Variants in FAM107A observed in about 807,000 individuals in gnomAD.
FAM107A encodes the protein family with sequence similarity 107 member A.
Under a neutral mutation model 13.7 loss-of-function variants are expected in FAM107A, and 19 were observed. The observed-to-expected ratio is 1.38, with a 90% CI of 0.97 to 2.03. The LOEUF is 2.03. FAM107A is among the 30% of genes most tolerant of loss of function. FAM107A has a pLI of 0.00. For missense variants in FAM107A, 203 were observed against 184.4 expected (o/e 1.10, Z -0.58); for synonymous variants, 82 against 74.5 (o/e 1.10, Z -0.52).
At chr3:58,587,506 TG>T (rs2065621036), upstream of FAM107A, among the ~76,000 whole-genome samples, 1 of 130,836 alleles carries the variant, frequency 7.6e-6, no homozygotes, top group Non-Finnish European at 1.6e-5. Context: ...TGTGTGTGTG[TG>T]TGTGTGTGTG....
intron 1 of FAM107A, among the ~76,000 whole-genome samples, chr3:58,597,545 A>G (rs1227186584): frequency 6.6e-6 from 1 of 152,252 alleles, no homozygotes; most frequent in Non-Finnish European, 1.5e-5. Flanking sequence ...CTATGAGAAT[A>G]GGAATTGTAA....
chr3:58,594,301 C>T (rs777911945), intron 1 of FAM107A, among the ~76,000 whole-genome samples: 5 of 152,216 alleles, frequency 3.3e-5, no homozygotes, highest in African/African-American at 1.2e-4. Context: ...CTCCCAGCCC[C>T]TCTTCTTGTT....
At chr3:58,602,581 A>G (rs536256044) in intron 1 of FAM107A, among the ~76,000 whole-genome samples, 1 of 152,334 alleles carries the variant, frequency 6.6e-6, no homozygotes, top group African/African-American at 2.4e-5. Context: ...GGATTGATTA[A>G]ATTGTACTAT....
intron 1 of FAM107A, among the ~76,000 whole-genome samples, chr3:58,602,091 G>A (rs2065757536): frequency 6.6e-6 from 1 of 152,138 alleles, no homozygotes; most frequent in African/African-American, 2.4e-5. Context: ...CCAGGAAGCT[G>A]CTGAGTCTGT....
intron 1 of FAM107A, among the ~76,000 whole-genome samples, chr3:58,574,625 G>C (rs2063715132): frequency 6.6e-6 from 1 of 152,224 alleles, no homozygotes; most frequent in South Asian, 2.1e-4. Flanking sequence ...ATGGGGTGGA[G>C]GCCACCAGTA....
chr3:58,609,707 G>C (rs2065834999), intron 1 of FAM107A, among the ~76,000 whole-genome samples: 1 of 152,152 alleles, frequency 6.6e-6, no homozygotes, highest in African/African-American at 2.4e-5. Context: ...AGCCACCTAG[G>C]GGGTCGTGGA....
chr3:58,568,163 A>C (rs549571994), intron 2 of FAM107A, among the ~76,000 whole-genome samples: 1 of 151,424 alleles, frequency 6.6e-6, no homozygotes, highest in South Asian at 2.1e-4. Context: ...GGCCAGGCAC[A>C]GTGGCTCACG....
At chr3:58,614,648 G>T (rs2065885163) in intron 1 of FAM107A, among the ~76,000 whole-genome samples, 1 of 151,908 alleles carries the variant, frequency 6.6e-6, no homozygotes, top group Non-Finnish European at 1.5e-5. Context: ...GGGATTACAG[G>T]TGCCTGCCAC....
rs1178641800 is a variant in FAM107A at position 58,564,418 on chromosome 3, A to G, written c.*2170T>C. 2 of 152,258 alleles carry G rather than the reference A, an allele frequency of 1.3e-5. No homozygotes were observed. The highest frequency in any genetic ancestry group is 1.3e-4 in the Admixed American group (2 of 15,284). 9.4% of individuals were successfully genotyped at this position (152,258 alleles called of 1,614,324 possible). A position where few individuals can be genotyped will look rare whatever the true frequency, so the allele number is the denominator to read the frequency against. The stretch of plus-strand genomic sequence containing the variant: ...TGATCACATAGCCATCCTAAGCTGC[A>G]AAGGAGACTGGAACAGTGAAAATCT... On this transcript the variant is annotated 3_prime_UTR_variant, in exon 4 of 4. Coordinates refer to ENST00000360997, the MANE Select transcript of FAM107A (RefSeq NM_001076778.3). The surrounding 1 kb of genome is among the most constrained non-coding windows in gnomAD (Gnocchi z 5.6).
At chr3:58,581,212 C>T (rs2108057291), upstream of FAM107A, among the ~76,000 whole-genome samples, 1 of 152,338 alleles carries the variant, frequency 6.6e-6, no homozygotes, top group African/African-American at 2.4e-5. Context: ...AGGGGCTGGG[C>T]ACACCCCTCC....
intron 1 of FAM107A, among the ~76,000 whole-genome samples, chr3:58,621,435 G>A: frequency 6.6e-6 from 1 of 152,080 alleles, no homozygotes; most frequent in East Asian, 1.9e-4. Flanking sequence ...TTTGAACAAG[G>A]GACCCCACAT....
At chr3:58,580,215 G>A (rs962450094), upstream of FAM107A, among the ~76,000 whole-genome samples, 5 of 151,920 alleles carry the variant, frequency 3.3e-5, no homozygotes, top group African/African-American at 1.2e-4. Flanking sequence ...ATATGTAGTA[G>A]GATCTCTTTT....
At chr3:58,590,635 G>A (rs186554978), upstream of FAM107A, among the ~76,000 whole-genome samples, 508 of 152,268 alleles carry the variant, frequency 3.3e-3, 3 homozygotes, top group African/African-American at 0.012. Flanking sequence ...ATGGCAGCAG[G>A]AGAGACAGAG....
At chr3:58,601,128 G>C (rs1212917353) in intron 1 of FAM107A, among the ~76,000 whole-genome samples, 1 of 152,132 alleles carries the variant, frequency 6.6e-6, no homozygotes, top group African/African-American at 2.4e-5. Flanking sequence ...TTCTGTTATT[G>C]ATCATAGGCT....
At chr3:58,595,671 C>T (rs1166599883) in intron 1 of FAM107A, among the ~76,000 whole-genome samples, 1 of 151,886 alleles carries the variant, frequency 6.6e-6, no homozygotes, top group African/African-American at 2.4e-5. Flanking sequence ...CCCGCCTGCA[C>T]CCAAGTGAAA....
At chr3:58,619,030 T>G (rs1284700570) in intron 1 of FAM107A, among the ~76,000 whole-genome samples, 1 of 152,198 alleles carries the variant, frequency 6.6e-6, no homozygotes, top group Non-Finnish European at 1.5e-5. Context: ...AGACAAGATC[T>G]TATTCTGTCA....
At chr3:58,614,167 A>T (rs917244391) in intron 1 of FAM107A, among the ~76,000 whole-genome samples, 2 of 152,174 alleles carry the variant, frequency 1.3e-5, no homozygotes, top group African/African-American at 4.8e-5. Context: ...TACAGAGAGG[A>T]GGTGTCAGTG....
intron 1 of FAM107A, among the ~76,000 whole-genome samples, chr3:58,572,313 A>G (rs1212974760): frequency 6.6e-6 from 1 of 152,140 alleles, no homozygotes; most frequent in Non-Finnish European, 1.5e-5. Flanking sequence ...CAGCACACAC[A>G]CAAGCCAATG....
intron 1 of FAM107A, among the ~76,000 whole-genome samples, chr3:58,584,773 A>C (rs867636842): frequency 3.3e-5 from 5 of 152,280 alleles, no homozygotes; most frequent in Middle Eastern, 3.4e-3. Flanking sequence ...ACTTCACTCC[A>C]TCCTCTTCAT....
Sources: gnomAD v4.1 joint callset for allele counts (sites outside exome capture counted in the v4.1 genomes callset) on GRCh38, gnomAD v4.1.1 for gene constraint, Gnocchi (gnomAD v3.1) non-coding constraint, MANE v1.5 for transcripts, NCBI Gene and HGNC (gene_info 2026-07-23, HGNC 2026-07-21) for gene names.